CSNK1G2: variants seen among roughly 807,000 people sequenced by gnomAD.
CSNK1G2 encodes casein kinase 1 gamma 2.
In CSNK1G2, 11 loss-of-function variants were observed where a neutral mutation model predicts 48.0. The ratio of observed to expected loss-of-function variants is 0.23; its 90% CI spans 0.14 to 0.38. CSNK1G2 has a LOEUF of 0.38. Among genes scored for constraint, CSNK1G2 ranks in the 10% least tolerant of loss-of-function variants. The pLI is 1.00. For missense variants in CSNK1G2, 446 were observed against 595.5 expected, an observed-to-expected ratio of 0.75 and a Z score of 2.61; for synonymous variants, 337 against 254.1, an observed-to-expected ratio of 1.33 and a Z score of -3.10.
rs1047093735 is a variant in CSNK1G2 at position 1,980,553 on chromosome 19, C to G, written c.*350C>G. 2 of 314,062 alleles carry G rather than the reference C, an allele frequency of 6.4e-6. No individual in the cohort carries two copies. Among genetic ancestry groups the G allele is most frequent in the Non-Finnish European group, 1.2e-5 (2 of 166,440 alleles). 19.5% of individuals were successfully genotyped at this position (314,062 alleles called of 1,614,324 possible). On this transcript the variant is annotated 3_prime_UTR_variant, in exon 12 of 12. Transcript: ENST00000255641. ...GAAGTGAGTAGTGTGATCCTGGAGG[C>G]CCCCCGGCCTGGCCCCGCCCCGCCA... is the stretch of plus-strand genomic sequence containing the variant.
intron 1 of CSNK1G2, among the ~76,000 whole-genome samples, chr19:1,946,261 T>TATTC (rs1440244556): frequency 1.0e-3 from 127 of 127,596 alleles, no homozygotes; most frequent in East Asian, 1.7e-3. Flanking sequence ...CATCACTATT[T>TATTC]ATTCGTTTAT....
chr19:1,966,268 CAT>C (rs2015363446), intron 1 of CSNK1G2, among the ~76,000 whole-genome samples: 3 of 152,156 alleles, frequency 2.0e-5, no homozygotes, highest in East Asian at 1.9e-4. Context: ...GAGGAGGTAA[CAT>C]GTCAGGATGA....
At chr19:1,962,753 C>G (rs902992268) in intron 1 of CSNK1G2, among the ~76,000 whole-genome samples, 10 of 151,436 alleles carry the variant, frequency 6.6e-5, no homozygotes, top group Non-Finnish European at 1.2e-4. Context: ...CTCGGTGCAG[C>G]AGCCACTGTG....
chr19:1,946,051 G>T (rs1005167732), intron 1 of CSNK1G2, among the ~76,000 whole-genome samples: 2 of 152,036 alleles, frequency 1.3e-5, no homozygotes, highest in African/African-American at 2.4e-5. Context: ...ATCTAGGAGC[G>T]GAGGCCACGC....
chr19:1,962,235 G>A (rs1200399601), intron 1 of CSNK1G2, among the ~76,000 whole-genome samples: 1 of 149,804 alleles, frequency 6.7e-6, no homozygotes, highest in Non-Finnish European at 1.5e-5. Context: ...GGGAGGCTGA[G>A]GCAGAGAACT....
chr19:1,944,686 G>T (rs2014489244), intron 1 of CSNK1G2, among the ~76,000 whole-genome samples: 2 of 125,100 alleles, frequency 1.6e-5, no homozygotes, highest in East Asian at 2.3e-4. Context: ...AGCTTGACTG[G>T]CCTGGCTGGG....
rs1212262614 is a variant in CSNK1G2, at chr19:1,978,634, T to G, written c.331T>G (p.Cys111Gly). 1 of 1,605,532 alleles carries G rather than the reference T, an allele frequency of 6.2e-7. No individual in the cohort carries two copies. The highest frequency in any genetic ancestry group is 8.5e-7 in the Non-Finnish European group (1 of 1,176,582). The stretch of plus-strand genomic sequence containing the variant: ...CCCTCAGGTCTACTACTTCGGTCCG[T>G]GCGGGAAGTACAACGCCATGGTGCT... The part of the protein sequence containing the change: ...GVPQVYYFGP[C>G]GKYNAMVLEL... The change falls in exon 5 of 12, where the codon TGC (cysteine) becomes GGC (glycine). Residue 111 changes from cysteine (C) to glycine (G), a missense_variant. Cys to Gly is a radical substitution (Grantham distance 159). This residue lies in a region of CSNK1G2 where 258 missense variants were observed against 415.9 expected (regional missense o/e 0.62). Coordinates refer to ENST00000255641, the MANE Select transcript of CSNK1G2 (RefSeq NM_001319.7). This position sits in a 1 kb window ranked among gnomAD's most constrained non-coding sequence, Gnocchi z 7.3.
rs1187227966 is a variant in CSNK1G2, at chr19:1,975,472, G to T, written c.188-2833G>T. ...GTCAGAACTGGAGACGGGAGGGCGTGCCTCAAGGGCAGATGGGCAAACCAA... is the reference window on the plus strand; with the variant it reads ...GTCAGAACTGGAGACGGGAGGGCGTTCCTCAAGGGCAGATGGGCAAACCAA... On this transcript the variant is annotated intron_variant, in intron 2 of 11. Coordinates refer to ENST00000255641, the MANE Select transcript of CSNK1G2 (RefSeq NM_001319.7). 3.0e-6 allele frequency: 3 copies of T among 985,464 alleles called. No individual in the cohort carries two copies. In the East Asian group the frequency reaches 3.4e-4, roughly 112 times the overall value. 61.0% of individuals were successfully genotyped at this position (985,464 alleles called of 1,614,324 possible). A position where few individuals can be genotyped will look rare whatever the true frequency, so the allele number is the denominator to read the frequency against.
At chr19:1,948,936 C>A (rs1158250467) in intron 1 of CSNK1G2, among the ~76,000 whole-genome samples, 1 of 152,136 alleles carries the variant, frequency 6.6e-6, no homozygotes, top group South Asian at 2.1e-4. Context: ...GGAAGAGAAA[C>A]CCTGTTTGCT....
At chr19:1,958,029 T>G (rs2015058643) in intron 1 of CSNK1G2, among the ~76,000 whole-genome samples, 1 of 152,008 alleles carries the variant, frequency 6.6e-6, no homozygotes, top group Non-Finnish European at 1.5e-5. Context: ...TTGGGACGCG[T>G]CCTGACGACG....
In CSNK1G2 at chr19:1,969,790, A is replaced by G. The variant is rs943653361; in HGVS notation, c.18A>G (p.Lys6=). 2 of 1,307,896 alleles carry G rather than the reference A, an allele frequency of 1.5e-6. No homozygotes were observed. Among genetic ancestry groups the G allele is most frequent in the Non-Finnish European group, 2.0e-6 (2 of 1,019,804 alleles). 81.0% of individuals were successfully genotyped at this position (1,307,896 alleles called of 1,614,324 possible). The change falls in exon 2 of 12, where the codon AAA becomes AAG. Residue 6 remains lysine, a synonymous_variant. Coordinates refer to ENST00000255641, the MANE Select transcript of CSNK1G2 (RefSeq NM_001319.7). MDFDK[K]GGKGETEEGR... ...ACAAACTTATGGATTTTGACAAGAAAGGAGGGAAAGGGGAGACGGAGGAGG... is the reference window on the plus strand; with the variant it reads ...ACAAACTTATGGATTTTGACAAGAAGGGAGGGAAAGGGGAGACGGAGGAGG...
chr19:1,949,667 G>T (rs1350258067), intron 1 of CSNK1G2, among the ~76,000 whole-genome samples: 1 of 152,266 alleles, frequency 6.6e-6, no homozygotes, highest in East Asian at 1.9e-4. Flanking sequence ...GCCACTCCCG[G>T]TTGGACCATT....
chr19:1,963,238 C>CTT (rs1364432514), intron 1 of CSNK1G2, among the ~76,000 whole-genome samples: 2 of 151,952 alleles, frequency 1.3e-5, no homozygotes, highest in East Asian at 3.9e-4. Flanking sequence ...CCCATTGATT[C>CTT]TTTTTGTTTG....
At chr19:1,967,880 C>CGAGGCTCCTTG (rs2015422824) in intron 1 of CSNK1G2, among the ~76,000 whole-genome samples, 1 of 37,658 alleles carries the variant, frequency 2.7e-5, no homozygotes, top group Admixed American at 2.1e-4. Flanking sequence ...CAGGCTGCCC[C>CGAGGCTCCTTG]CGACCACCCT....
Position 1,978,937 on chromosome 19 carries a change from C to T in CSNK1G2, c.526C>T (p.Pro176Ser). ...VKPENFLVGR[P>S]GTKRQHAIHI... is the part of the protein sequence containing the mutation. ...GCCCGAGAACTTCCTGGTGGGCCGC[C>T]CGGGGACCAAGCGGCAGCATGCCAT... is the stretch of plus-strand genomic sequence containing the variant. Residue 176 changes from proline (P) to serine (S), a missense_variant, in exon 6 of 12, where the codon CCG (proline) becomes TCG (serine). Coordinates refer to ENST00000255641, the MANE Select transcript of CSNK1G2 (RefSeq NM_001319.7). The surrounding 1 kb of genome is among the most constrained non-coding windows in gnomAD (Gnocchi z 7.3). 1 of 1,601,970 alleles carries T rather than the reference C, an allele frequency of 6.2e-7. No individual in the cohort carries two copies. Among genetic ancestry groups the T allele is most frequent in the Non-Finnish European group, 8.5e-7 (1 of 1,179,642 alleles).
chr19:1,945,746 C>CG (rs1185239498), intron 1 of CSNK1G2, among the ~76,000 whole-genome samples: 4 of 150,552 alleles, frequency 2.7e-5, no homozygotes, highest in African/African-American at 9.8e-5. Flanking sequence ...CACTTGAACC[C>CG]GGGAGGTGGA....
intron 2 of CSNK1G2, chr19:1,975,491 A>G (rs1446751649): frequency 1.0e-6 from 1 of 985,352 alleles, no homozygotes; most frequent in African/African-American, 1.7e-5. Context: ...GCAGATGGGC[A>G]AACCAAACCC....
intron 1 of CSNK1G2, among the ~76,000 whole-genome samples, chr19:1,961,723 C>A (rs546622793): frequency 6.6e-6 from 1 of 152,250 alleles, no homozygotes; most frequent in African/African-American, 2.4e-5. Flanking sequence ...ATTCCTCCCC[C>A]AAAACGCCCA....
chr19:1,961,463 C>T (rs890031636), intron 1 of CSNK1G2, among the ~76,000 whole-genome samples: 3 of 152,268 alleles, frequency 2.0e-5, no homozygotes, highest in Non-Finnish European at 2.9e-5. Context: ...GCCTATACTC[C>T]AGGCCATTGC....
Sources: gnomAD v4.1 joint callset for allele counts (sites outside exome capture counted in the v4.1 genomes callset) on GRCh38, gnomAD v4.1.1 for gene constraint, gnomAD v4.1.1 regional missense constraint, Gnocchi (gnomAD v3.1) non-coding constraint, MANE v1.5 for transcripts, NCBI Gene and HGNC (gene_info 2026-07-23, HGNC 2026-07-21) for gene names.